The following GHITM variants were observed in gnomAD, a reference collection of about 807,000 sequenced individuals.
The protein encoded by GHITM is growth hormone inducible transmembrane protein, also known as growth hormone-inducible transmembrane protein.
Under a neutral mutation model 38.7 loss-of-function variants are expected in GHITM, and 24 were observed. The ratio of observed to expected loss-of-function variants is 0.62; its 90% confidence interval spans 0.45 to 0.87. The LOEUF (loss-of-function observed/expected upper bound fraction) is 0.87. Among genes scored for constraint, GHITM ranks in the 40% least tolerant of loss-of-function variants. The pLI, the probability that GHITM is intolerant of heterozygous loss-of-function variation, is 0.00. For synonymous variants in GHITM, 154 were observed against 147.8 expected (o/e 1.04, Z -0.30); for missense variants, 420 against 429.8 (o/e 0.98, Z 0.20).
chr10:84,142,570 C>G, intron 2 of GHITM, 85 bp from the exon 3 acceptor site: 1 of 715,882 alleles, frequency 1.4e-6, no homozygotes, highest in Non-Finnish European at 2.3e-6. Flanking sequence ...CTAGAGTTTT[C>G]TAGTGTAAAG....
Position 84,152,546 on chromosome 10 carries a change from A to G in GHITM, c.*198A>G, listed in dbSNP as rs538864298. The G allele has an allele frequency of 6.1e-5, 25 of 408,794 alleles. No individual in the cohort carries two copies. The highest frequency in any genetic ancestry group is 9.1e-5 in the Non-Finnish European group (21 of 230,668). The allele number at this position is 408,794 out of a possible 1,614,324, so 25.3% of individuals were successfully genotyped here. On this transcript the variant is annotated 3_prime_UTR_variant, in exon 9 of 9. Coordinates refer to ENST00000372134, the MANE Select transcript of GHITM (RefSeq NM_014394.3). ...GAATAAATGCAGTAATCCTCTCCCA[A>G]ATAAGCACACACATTTTCAATTCTC...
In GHITM at chr10:84,150,740, T is replaced by A; in HGVS notation, c.813T>A (p.Ala271=). ...GSMFLPPTTV[A]GATLYSVAMY... The stretch of plus-strand genomic sequence containing the variant: ...TGTTTCTTCCACCTACCACCGTGGC[T>A]GGTGCCACTCTTTACTCAGTGGCAA... The change falls in exon 8 of 9, where the codon GCT becomes GCA. Residue 271 remains alanine (A), a synonymous_variant. Coordinates refer to ENST00000372134, the MANE Select transcript of GHITM (RefSeq NM_014394.3). 1 of 1,610,872 alleles carries A rather than the reference T, an allele frequency of 6.2e-7. No individual in the cohort carries two copies. The highest frequency in any genetic ancestry group is 1.7e-5 in the Admixed American group (1 of 59,780).
At position 84,152,328 on chromosome 10, in the gene GHITM, G is replaced by A; in HGVS notation, c.1018G>A (p.Gly340Arg). The change falls in exon 9 of 9, where the codon GGA (glycine) becomes AGA (arginine). Residue 340 changes from glycine to arginine, a missense_variant. By Grantham distance (125) the Gly-to-Arg change is moderately radical (BLOSUM62 -2). Transcript: ENST00000372134. The part of the protein sequence containing the change: ...FMRVATMLAT[G>R]GNRKK ...GCGAGTTGCAACTATGCTGGCAACTGGAGGCAACAGAAAGAAATGAAGTGA... is the reference window on the plus strand; with the variant it reads ...GCGAGTTGCAACTATGCTGGCAACTAGAGGCAACAGAAAGAAATGAAGTGA... The A allele has an allele frequency of 6.2e-7, 1 of 1,600,042 alleles. No homozygotes were observed. The highest frequency in any genetic ancestry group is 1.7e-5 in the Admixed American group (1 of 59,348).
intron 1 of GHITM, among the ~76,000 whole-genome samples, chr10:84,140,899 TA>T (rs1386461094): frequency 1.3e-5 from 2 of 152,216 alleles, no homozygotes; most frequent in African/African-American, 2.4e-5. Flanking sequence ...TAACTTAGAA[TA>T]TTTTTATATC....
At chr10:84,145,738 G>C (rs1201201474) in intron 5 of GHITM, among the ~76,000 whole-genome samples, 1 of 152,180 alleles carries the variant, frequency 6.6e-6, no homozygotes, top group African/African-American at 2.4e-5. Context: ...CTATTCTCCT[G>C]CTATTTGGTA....
chr10:84,146,438 T>G (rs548685540), intron 5 of GHITM, among the ~76,000 whole-genome samples: 1 of 152,338 alleles, frequency 6.6e-6, no homozygotes, highest in South Asian at 2.1e-4. Context: ...GGAGAGTTCA[T>G]GTAACACTGA....
Position 84,150,863 on chromosome 10 carries a change from A to T in GHITM, c.936A>T (p.Lys312Asn). 1.2e-6 allele frequency: 2 copies of T among 1,603,306 alleles called. No individual in the cohort carries two copies. The highest frequency in any genetic ancestry group is 1.7e-6 in the Non-Finnish European group (2 of 1,171,114). The change falls in exon 8 of 9, where the codon AAA becomes AAT. Residue 312 changes from lysine (K) to asparagine (N), a missense_variant. Coordinates refer to ENST00000372134, the MANE Select transcript of GHITM (RefSeq NM_014394.3). ...TATCACCAATGTATGGAGTTCAAAA[A>T]TATGATCCCATTAACTCGTAAGTAA... ...AEVSPMYGVQKYDPINSMLSI... is the reference protein window; with the variant it reads ...AEVSPMYGVQNYDPINSMLSI...
intron 5 of GHITM, among the ~76,000 whole-genome samples, chr10:84,147,015 A>G (rs929839477): frequency 6.6e-6 from 1 of 152,192 alleles, no homozygotes; most frequent in Non-Finnish European, 1.5e-5. Context: ...GAGTAAGTCG[A>G]CCAGATATGG....
intron 2 of GHITM, among the ~76,000 whole-genome samples, chr10:84,141,966 A>G (rs1841511255): frequency 6.6e-6 from 1 of 152,230 alleles, no homozygotes; most frequent in South Asian, 2.1e-4. Flanking sequence ...GGATATTACC[A>G]GTTGGCCAAT....
chr10:84,151,970 T>A (rs931230686), intron 8 of GHITM, among the ~76,000 whole-genome samples: 2 of 152,186 alleles, frequency 1.3e-5, no homozygotes, highest in Non-Finnish European at 1.5e-5. Flanking sequence ...TTGTTTTGAT[T>A]ATTTCATTGT....
intron 1 of GHITM, chr10:84,140,110 A>C (rs952656694): frequency 2.0e-5 from 3 of 152,232 alleles, no homozygotes; most frequent in African/African-American, 7.2e-5. Flanking sequence ...GGTCACTTCT[A>C]ACCTGTCAGA....
intron 4 of GHITM, 139 bp from the exon 5 acceptor site, chr10:84,144,736 A>G (rs758429769): frequency 9.5e-6 from 5 of 526,066 alleles, no homozygotes; most frequent in African/African-American, 5.9e-5. Flanking sequence ...CATAATTATC[A>G]TAATTATTTC....
chr10:84,142,584 T>A, intron 2 of GHITM, 71 bp from the exon 3 acceptor site: 1 of 919,230 alleles, frequency 1.1e-6, no homozygotes, highest in Non-Finnish European at 1.7e-6. Flanking sequence ...TGTAAAGGGA[T>A]CTTGCATTTT....
intron 3 of GHITM, 92 bp from the exon 4 acceptor site, chr10:84,143,903 T>G: frequency 1.1e-6 from 1 of 907,104 alleles, no homozygotes; most frequent in Non-Finnish European, 1.9e-6. Flanking sequence ...TTCTATTAAA[T>G]ATGGTACATG....
intron 5 of GHITM, among the ~76,000 whole-genome samples, chr10:84,146,329 A>T (rs1368955220): frequency 6.6e-6 from 1 of 152,218 alleles, no homozygotes; most frequent in Non-Finnish European, 1.5e-5. Context: ...ACCAATGTGG[A>T]AGAGACATGG....
chr10:84,150,669 C>CT lies in GHITM; in HGVS notation c.782-34dup, dbSNP rs752506207. On this transcript the variant is annotated intron_variant, in intron 7 of 8. Coordinates refer to ENST00000372134, the MANE Select transcript of GHITM (RefSeq NM_014394.3). ...ATCATAAACTCAGTTATCGGAAATC[C>CT]TTTTTTAAAAAAAATCTTGTTTTCG... The CT allele has an allele frequency of 5.2e-6, 8 of 1,529,342 alleles. 1 individual carries two copies. The highest frequency in any genetic ancestry group is 4.8e-5 in the South Asian group (4 of 83,106). 94.7% of individuals were successfully genotyped at this position (1,529,342 alleles called of 1,614,324 possible).
At chr10:84,149,984 A>T in intron 6 of GHITM, 71 bp from the exon 7 acceptor site, 1 of 1,190,842 alleles carries the variant, frequency 8.4e-7, no homozygotes. Flanking sequence ...ATAAAGTGGC[A>T]TGTTAGAAGT....
chr10:84,152,192 T>A, intron 8 of GHITM, 72 bp from the exon 9 acceptor site: 1 of 709,050 alleles, frequency 1.4e-6, no homozygotes, highest in Non-Finnish European at 2.4e-6. Context: ...ATTTTTCTTC[T>A]TTTCTATATT....
intron 1 of GHITM, 35 bp downstream of exon 1, chr10:84,139,628 C>G (rs1183208576): frequency 1.3e-5 from 2 of 152,288 alleles, no homozygotes; most frequent in African/African-American, 4.8e-5. Context: ...CGCCCGGGAT[C>G]CCCGGTGGTC....
Sources: allele counts gnomAD v4.1 joint callset (sites outside exome capture counted in the v4.1 genomes callset), GRCh38; gene constraint gnomAD v4.1.1; transcripts MANE v1.5; gene names NCBI Gene and HGNC (gene_info 2026-07-23, HGNC 2026-07-21).